The following SLC4A7 variants were observed in gnomAD, a reference collection of about 807,000 sequenced individuals.
SLC4A7 encodes the protein sodium bicarbonate cotransporter 3.
SLC4A7 carries 51 observed loss-of-function variants against 137.6 expected under a neutral mutation model. The ratio of observed to expected loss-of-function variants is 0.37; its 90% CI spans 0.30 to 0.47. SLC4A7 has a LOEUF of 0.47. SLC4A7 is among the 20% of genes least tolerant of loss of function. The probability of loss-of-function intolerance (pLI) is 1.00; values close to 1 mark genes in which losing one functional copy is unlikely to be tolerated. For synonymous variants in SLC4A7, 542 were observed against 518.6 expected (o/e 1.05, Z -0.61); for missense variants, 1,247 against 1,525.4 (o/e 0.82, Z 3.04).
At chr3:27,413,818 G>A (rs958671741) in intron 11 of SLC4A7, among the ~76,000 whole-genome samples, 7 of 152,160 alleles carry the variant, frequency 4.6e-5, no homozygotes, top group African/African-American at 1.4e-4. Context: ...CCTATTTAAA[G>A]CCCATGCTAC....
chr3:27,383,109 T>C (rs745891489), intron 24 of SLC4A7, 44 bp downstream of exon 24: 4 of 1,066,934 alleles, frequency 3.7e-6, no homozygotes, highest in Non-Finnish European at 4.3e-6. Context: ...ATTAATACAT[T>C]TGACATGCAT....
At chr3:27,397,583 A>G in intron 18 of SLC4A7, 101 bp downstream of exon 18, 1 of 672,012 alleles carries the variant, frequency 1.5e-6, no homozygotes, top group Middle Eastern at 2.8e-4. Flanking sequence ...CTTCAAAGAG[A>G]CTACATACTT....
At chr3:27,465,681 C>A (rs2058947642) in intron 1 of SLC4A7, among the ~76,000 whole-genome samples, 1 of 151,824 alleles carries the variant, frequency 6.6e-6, no homozygotes, top group Non-Finnish European at 1.5e-5. Flanking sequence ...AGGAATTAGG[C>A]CGGCACCGTG....
chr3:27,409,022 G>C (rs529247255), intron 13 of SLC4A7, among the ~76,000 whole-genome samples: 1 of 152,000 alleles, frequency 6.6e-6, no homozygotes, highest in Admixed American at 6.6e-5. Flanking sequence ...AAACCCCCAT[G>C]ACCCACCCAG....
intron 11 of SLC4A7, among the ~76,000 whole-genome samples, chr3:27,415,742 T>G (rs577420414): frequency 6.6e-6 from 1 of 152,242 alleles, no homozygotes; most frequent in Non-Finnish European, 1.5e-5. Context: ...TATGTTGTCG[T>G]AAAATGACTG....
At position 27,376,839 on chromosome 3, in the gene SLC4A7, A is replaced by T. The variant is rs1178477991; in HGVS notation, c.3705T>A (p.Asp1235Glu). 6.5e-7 allele frequency: 1 copy of T among 1,538,748 alleles called. No individual in the cohort carries two copies. Among genetic ancestry groups the T allele is most frequent in the African/African-American group, 1.4e-5 (1 of 73,084 alleles). Residue 1235 changes from aspartate (D) to glutamate (E), a missense_variant, in exon 26 of 26, where the codon GAT becomes GAA. Asp to Glu is a conservative substitution (Grantham distance 45). Coordinates refer to ENST00000454389, the MANE Select transcript of SLC4A7 (RefSeq NM_001321103.2). ...AKVTRSNMSP[D>E]KPVSVKISFE... Reference sequence around the variant, plus strand: ...AACTTATTTTCACACTCACAGGTTTATCAGGACTATTTAAAACAAAGAATT... The same window carrying T: ...AACTTATTTTCACACTCACAGGTTTTTCAGGACTATTTAAAACAAAGAATT...
At chr3:27,431,749 A>G in intron 6 of SLC4A7, 80 bp from the exon 7 acceptor site, 2 of 1,429,244 alleles carry the variant, frequency 1.4e-6, no homozygotes, top group Non-Finnish European at 1.9e-6. Flanking sequence ...AAATCAATTT[A>G]CACTATAAAT....
intron 1 of SLC4A7, chr3:27,456,748 C>G: frequency 6.3e-7 from 1 of 1,590,512 alleles, no homozygotes; most frequent in Non-Finnish European, 8.5e-7. Context: ...ATTCCAGGGA[C>G]AGTGAGCACA....
At chr3:27,470,612 C>G (rs945072751) in intron 1 of SLC4A7, among the ~76,000 whole-genome samples, 1 of 149,474 alleles carries the variant, frequency 6.7e-6, no homozygotes, top group Admixed American at 6.8e-5. Flanking sequence ...AAAAGGGTGG[C>G]TACCTCATGG....
Position 27,409,423 on chromosome 3 carries a change from T to C in SLC4A7, c.1874A>G (p.Tyr625Cys). The change falls in exon 13 of 26, where the codon TAC (tyrosine) becomes TGC (cysteine). Residue 625 changes from tyrosine to cysteine, a missense_variant. Tyr to Cys is a radical substitution (Grantham distance 194). Around this residue, in one of 6 missense-constraint regions of SLC4A7, gnomAD observed 499 missense variants for 664.2 expected, o/e 0.75. Coordinates refer to ENST00000454389, the MANE Select transcript of SLC4A7 (RefSeq NM_001321103.2). ...GATTACAGGAGACATACAGGCACAG[T>C]ATAGGAAAAGAATCGAGGCCAGGCA... ...LQCLASILFL[Y>C]CACMSPVITF... 6.2e-7 allele frequency: 1 copy of C among 1,613,774 alleles called. No individual in the cohort carries two copies.
intron 1 of SLC4A7, among the ~76,000 whole-genome samples, chr3:27,453,701 T>A (rs2058233758): frequency 1.3e-5 from 2 of 152,248 alleles, no homozygotes; most frequent in Admixed American, 1.3e-4. Context: ...ACTCAGGAAC[T>A]GAACTGATTT....
chr3:27,439,695 C>T (rs146961193), intron 3 of SLC4A7, among the ~76,000 whole-genome samples: 23 of 152,252 alleles, frequency 1.5e-4, no homozygotes, highest in African/African-American at 5.3e-4. Context: ...TTTTTCATTC[C>T]AATCTGTATG....
Position 27,404,879 on chromosome 3 carries a change from TC to T in SLC4A7, c.2025del (p.Ser676AlafsTer6), listed in dbSNP as rs1348087615. 1.2e-6 allele frequency: 2 copies of T among 1,610,416 alleles called. No individual in the cohort carries two copies. The highest frequency in any genetic ancestry group is 1.1e-5 in the South Asian group (1 of 90,364). ...TCAAACACTAGAACTGGACCTGTGC[TC>T]CCCAATATTGTTAGAGGTTGCCCAG... ...LFAGQPLTIL[G>X]STGPVLVFEK... On this transcript the variant is annotated frameshift_variant, in exon 14 of 26. Transcript: ENST00000454389. LOFTEE classifies it high-confidence loss of function.
intron 6 of SLC4A7, chr3:27,433,028 A>C (rs780978893): frequency 2.0e-5 from 3 of 152,242 alleles, no homozygotes; most frequent in Non-Finnish European, 2.9e-5. Flanking sequence ...GCCAAGTGGA[A>C]GATAAAAAAG....
At chr3:27,404,747 T>C in intron 14 of SLC4A7, 83 bp downstream of exon 14, 1 of 1,183,298 alleles carries the variant, frequency 8.5e-7, no homozygotes, top group Non-Finnish European at 1.2e-6. Flanking sequence ...AAATTACTTT[T>C]AAGCAATTAA....
At chr3:27,463,026 C>T (rs1343269124) in intron 1 of SLC4A7, among the ~76,000 whole-genome samples, 1 of 152,232 alleles carries the variant, frequency 6.6e-6, no homozygotes, top group East Asian at 1.9e-4. Context: ...CAGTGGCTCA[C>T]GCCTGTAATC....
chr3:27,463,210 G>C (rs563418991), intron 1 of SLC4A7, among the ~76,000 whole-genome samples: 32 of 152,174 alleles, frequency 2.1e-4, no homozygotes, highest in Non-Finnish European at 1.2e-4. Context: ...GGCGGATGAC[G>C]AGGTCAGGAG....
At chr3:27,420,987 T>C (rs1343612980) in intron 9 of SLC4A7, among the ~76,000 whole-genome samples, 200 bp from the exon 10 acceptor site, 1 of 151,840 alleles carries the variant, frequency 6.6e-6, no homozygotes, top group Admixed American at 6.6e-5. Context: ...AAAGCAACCA[T>C]AATTAACTAC....
At chr3:27,431,168 AC>A (rs945085329) in intron 7 of SLC4A7, 129 bp downstream of exon 7, 19 of 1,001,506 alleles carry the variant, frequency 1.9e-5, no homozygotes, top group South Asian at 3.0e-5. Flanking sequence ...AGAAAAAAAA[AC>A]ATGCAGAAGT....
Sources: gnomAD v4.1 joint callset for allele counts (sites outside exome capture counted in the v4.1 genomes callset) on GRCh38, gnomAD v4.1.1 for gene constraint, gnomAD v4.1.1 regional missense constraint, MANE v1.5 for transcripts, NCBI Gene and HGNC (gene_info 2026-07-23, HGNC 2026-07-21) for gene names.